Variants in SAMD12 observed in about 807,000 individuals in gnomAD.
SAMD12 encodes the protein sterile alpha motif domain-containing protein 12.
Under a neutral mutation model 15.0 loss-of-function variants are expected in SAMD12, and 9 were observed. The observed-to-expected ratio is 0.60, with a 90% CI of 0.36 to 1.05. SAMD12 has a LOEUF of 1.05. Ranked by LOEUF, SAMD12 falls within the 50% of genes least tolerant of loss-of-function variation. SAMD12 has a pLI of 0.01. For synonymous variants in SAMD12, 86 were observed against 90.1 expected (o/e 0.96, Z 0.25); for missense variants, 230 against 234.2 (o/e 0.98, Z 0.12).
At chr8:118,498,525 G>T (rs528932386) in intron 2 of SAMD12, among the ~76,000 whole-genome samples, 1 of 152,108 alleles carries the variant, frequency 6.6e-6, no homozygotes. Flanking sequence ...ATAATGTCAC[G>T]ACTGCACCCC....
chr8:118,132,238 T>C, the SAMD12 span, among the ~76,000 whole-genome samples: 1 of 152,222 alleles, frequency 6.6e-6, no homozygotes, highest in African/African-American at 2.4e-5. Context: ...GCAATTCCCC[T>C]GTGGATATAT....
exon 5 of SAMD12, chr8:118,196,122 T>G (rs1422036934): frequency 6.6e-6 from 1 of 152,188 alleles, no homozygotes; most frequent in African/African-American, 2.4e-5. Context: ...CTTCCTCCCT[T>G]TCCGTCAGGT....
At chr8:118,502,543 A>C (rs931132751) in intron 2 of SAMD12, among the ~76,000 whole-genome samples, 4 of 152,224 alleles carry the variant, frequency 2.6e-5, no homozygotes, top group African/African-American at 4.8e-5. Context: ...TAACTGTGTA[A>C]AAGTCAGGGC....
At chr8:118,360,102 A>G (rs1482740176) in intron 4 of SAMD12, among the ~76,000 whole-genome samples, 1 of 152,184 alleles carries the variant, frequency 6.6e-6, no homozygotes, top group African/African-American at 2.4e-5. Context: ...GGTCATCTTT[A>G]TCAATACACA....
intron 2 of SAMD12, among the ~76,000 whole-genome samples, chr8:118,531,106 T>C (rs1017607711): frequency 6.6e-6 from 1 of 152,244 alleles, no homozygotes; most frequent in Non-Finnish European, 1.5e-5. Flanking sequence ...GATTTTTGTG[T>C]AAGGTGTGAG....
intron 2 of SAMD12, among the ~76,000 whole-genome samples, chr8:118,571,924 C>A (rs1047798054): frequency 6.6e-6 from 1 of 152,226 alleles, no homozygotes; most frequent in Non-Finnish European, 1.5e-5. Context: ...AAGACGGCCA[C>A]CATCCTCAAG....
At chr8:118,542,670 C>T (rs1228772853) in intron 2 of SAMD12, among the ~76,000 whole-genome samples, 1 of 152,144 alleles carries the variant, frequency 6.6e-6, no homozygotes, top group African/African-American at 2.4e-5. Flanking sequence ...ATAACTAGAT[C>T]CAAGTGAAAG....
At chr8:118,505,772 C>T (rs1414529160) in intron 2 of SAMD12, among the ~76,000 whole-genome samples, 3 of 151,842 alleles carry the variant, frequency 2.0e-5, no homozygotes, top group Non-Finnish European at 4.4e-5. Flanking sequence ...TGTCCACCAG[C>T]TTAGAAAAGC....
intron 4 of SAMD12, among the ~76,000 whole-genome samples, chr8:118,319,110 T>C (rs1021806143): frequency 1.3e-5 from 2 of 152,188 alleles, no homozygotes; most frequent in South Asian, 2.1e-4. Flanking sequence ...ATACTATGAG[T>C]ATAAACCATA....
intron 3 of SAMD12, among the ~76,000 whole-genome samples, chr8:118,417,676 C>G (rs1187153992): frequency 1.3e-5 from 2 of 151,780 alleles, no homozygotes; most frequent in Non-Finnish European, 2.9e-5. Flanking sequence ...AAAAGAAAAT[C>G]CCCTAAAAAT....
chr8:118,342,209 T>C (rs948057673), intron 4 of SAMD12, among the ~76,000 whole-genome samples: 1 of 151,938 alleles, frequency 6.6e-6, no homozygotes, highest in African/African-American at 2.4e-5. Flanking sequence ...TGAGAGTCAT[T>C]TGAACCCAGG....
the SAMD12 span, among the ~76,000 whole-genome samples, chr8:118,165,180 A>T: frequency 1.3e-5 from 2 of 152,096 alleles, no homozygotes; most frequent in African/African-American, 4.8e-5. Flanking sequence ...TGTGCTTCTG[A>T]CTGACAGGCT....
chr8:118,151,677 A>T, the SAMD12 span, among the ~76,000 whole-genome samples: 1 of 151,882 alleles, frequency 6.6e-6, no homozygotes, highest in Non-Finnish European at 1.5e-5. Flanking sequence ...AAATACAAAA[A>T]AAATTAGCCA....
At chr8:118,382,034 C>A (rs554771120) in intron 3 of SAMD12, among the ~76,000 whole-genome samples, 3 of 152,166 alleles carry the variant, frequency 2.0e-5, no homozygotes, top group Admixed American at 2.0e-4. Context: ...CACTGTCAGA[C>A]CTTAGTCCAG....
intron 4 of SAMD12, among the ~76,000 whole-genome samples, chr8:118,348,054 A>G (rs772138569): frequency 3.9e-5 from 6 of 152,146 alleles, no homozygotes; most frequent in Non-Finnish European, 5.9e-5. Context: ...ATCAACTGCT[A>G]CAACTGTGTT....
intron 4 of SAMD12, among the ~76,000 whole-genome samples, chr8:118,219,589 A>G (rs1450967629): frequency 6.6e-6 from 1 of 152,200 alleles, no homozygotes; most frequent in Non-Finnish European, 1.5e-5. Context: ...AGAATGATGG[A>G]ATGATGCTAT....
At chr8:118,546,200 T>C (rs2131163442) in intron 2 of SAMD12, among the ~76,000 whole-genome samples, 1 of 152,218 alleles carries the variant, frequency 6.6e-6, no homozygotes, top group Middle Eastern at 3.4e-3. Context: ...AAGCCTTAGG[T>C]GGTCAGGCAA....
the SAMD12 span, among the ~76,000 whole-genome samples, chr8:118,183,653 A>C: frequency 1.3e-5 from 2 of 152,274 alleles, no homozygotes; most frequent in Non-Finnish European, 2.9e-5. Context: ...GTGAAATGGG[A>C]ACTATAATAT....
At chr8:118,487,777 G>A (rs760102545) in intron 2 of SAMD12, among the ~76,000 whole-genome samples, 1 of 152,164 alleles carries the variant, frequency 6.6e-6, no homozygotes, top group Non-Finnish European at 1.5e-5. Context: ...ATTGGGATTT[G>A]ACCTCTATCC....
Sources: gnomAD v4.1 joint callset for allele counts (sites outside exome capture counted in the v4.1 genomes callset) on GRCh38, gnomAD v4.1.1 for gene constraint, MANE v1.5 for transcripts, NCBI Gene and HGNC (gene_info 2026-07-23, HGNC 2026-07-21) for gene names.